Variants in CFDP1 observed in about 807,000 individuals in gnomAD.
The protein encoded by CFDP1 is chromatin remodeling protein CFDP1.
In CFDP1, 31 loss-of-function variants were observed where a neutral mutation model predicts 40.1. The observed-to-expected ratio is 0.77, with a 90% CI of 0.58 to 1.04. The LOEUF (loss-of-function observed/expected upper bound fraction) is 1.04. CFDP1 is among the 50% of genes least tolerant of loss of function. The probability of loss-of-function intolerance (pLI) is 0.00; values close to 1 mark genes in which losing one functional copy is unlikely to be tolerated. For synonymous variants in CFDP1, 167 were observed against 120.0 expected (o/e 1.39, Z -2.56); for missense variants, 423 against 343.4 (o/e 1.23, Z -1.83).
intron 5 of CFDP1, among the ~76,000 whole-genome samples, chr16:75,390,437 T>C (rs1313565216): frequency 1.3e-5 from 2 of 152,234 alleles, no homozygotes; most frequent in Non-Finnish European, 2.9e-5. Context: ...CTACCCTGCC[T>C]TGAGCAAGAA....
chr16:75,328,997 C>G (rs1413622536), intron 5 of CFDP1, among the ~76,000 whole-genome samples: 1 of 152,012 alleles, frequency 6.6e-6, no homozygotes, highest in Admixed American at 6.5e-5. Flanking sequence ...CAGGCATGCG[C>G]CACCATGCCT....
intron 5 of CFDP1, chr16:75,363,029 G>C (rs2078690117): frequency 6.6e-6 from 1 of 152,120 alleles, no homozygotes; most frequent in Non-Finnish European, 1.5e-5. Flanking sequence ...CATGTGAACT[G>C]AGAATACTGA....
chr16:75,427,076 C>A (rs1389525406), intron 1 of CFDP1, among the ~76,000 whole-genome samples: 2 of 150,768 alleles, frequency 1.3e-5, no homozygotes, highest in Non-Finnish European at 3.0e-5. Flanking sequence ...AAACAAATAT[C>A]TGACAAAGGA....
chr16:75,338,909 G>C (rs2078508652), intron 5 of CFDP1, among the ~76,000 whole-genome samples: 1 of 152,042 alleles, frequency 6.6e-6, no homozygotes, highest in African/African-American at 2.4e-5. Flanking sequence ...CTTGATCCTT[G>C]ATATTTTATA....
At chr16:75,404,920 T>A (rs952040698) in intron 4 of CFDP1, among the ~76,000 whole-genome samples, 1 of 152,150 alleles carries the variant, frequency 6.6e-6, no homozygotes. Flanking sequence ...GAACAAGAAA[T>A]ACAGCTATAA....
At chr16:75,390,417 T>A (rs187140532) in intron 5 of CFDP1, among the ~76,000 whole-genome samples, 32 of 152,378 alleles carry the variant, frequency 2.1e-4, no homozygotes, top group Non-Finnish European at 3.5e-4. Flanking sequence ...ACCCTTGATA[T>A]CTGATCACAC....
intron 5 of CFDP1, among the ~76,000 whole-genome samples, chr16:75,343,329 A>G (rs2078539523): frequency 6.6e-6 from 1 of 152,060 alleles, no homozygotes; most frequent in Admixed American, 6.5e-5. Flanking sequence ...CTTGCTGAAT[A>G]GCAGTTCCTC....
chr16:75,406,976 ACGCCAC>A (rs1459054803), intron 4 of CFDP1, among the ~76,000 whole-genome samples: 2 of 152,200 alleles, frequency 1.3e-5, no homozygotes, highest in Non-Finnish European at 2.9e-5. Context: ...AGCTGAGATC[ACGCCAC>A]TGTACTCCAG....
intron 5 of CFDP1, among the ~76,000 whole-genome samples, chr16:75,387,209 C>A (rs1333772637): frequency 6.7e-6 from 1 of 150,266 alleles, no homozygotes; most frequent in South Asian, 2.1e-4. Flanking sequence ...GGCGCAATCT[C>A]GGCTCACTGC....
At chr16:75,332,240 G>A (rs976067482) in intron 5 of CFDP1, among the ~76,000 whole-genome samples, 14 of 152,174 alleles carry the variant, frequency 9.2e-5, no homozygotes, top group African/African-American at 2.4e-4. Flanking sequence ...CGAGGTGGGC[G>A]GATCACCTGA....
intron 5 of CFDP1, among the ~76,000 whole-genome samples, chr16:75,330,170 A>G (rs2078435066): frequency 6.6e-6 from 1 of 152,232 alleles, no homozygotes; most frequent in South Asian, 2.1e-4. Context: ...TCAATGACCC[A>G]CATGACTACT....
intron 5 of CFDP1, among the ~76,000 whole-genome samples, chr16:75,353,996 T>C (rs1003222911): frequency 1.3e-5 from 2 of 152,194 alleles, no homozygotes; most frequent in African/African-American, 4.8e-5. Flanking sequence ...GCCTTTATCA[T>C]GGTGTGAAAG....
chr16:75,358,379 C>A (rs1054508553), intron 5 of CFDP1, among the ~76,000 whole-genome samples: 22 of 152,172 alleles, frequency 1.4e-4, no homozygotes, highest in Non-Finnish European at 2.8e-4. Context: ...AAATAATAAT[C>A]TCTTCAGATA....
chr16:75,315,328 T>A, intron 5 of CFDP1, among the ~76,000 whole-genome samples: 2 of 45,268 alleles, frequency 4.4e-5, no homozygotes, highest in South Asian at 1.4e-3. Context: ...TGAGACCCTA[T>A]CTCAAAAAAA....
At chr16:75,367,304 A>G (rs2078721485) in intron 5 of CFDP1, among the ~76,000 whole-genome samples, 1 of 152,062 alleles carries the variant, frequency 6.6e-6, no homozygotes, top group East Asian at 1.9e-4. Context: ...GAGTATTAGG[A>G]AAAATAGCTA....
At chr16:75,315,726 T>C (rs922055055) in intron 5 of CFDP1, among the ~76,000 whole-genome samples, 3 of 152,194 alleles carry the variant, frequency 2.0e-5, no homozygotes, top group African/African-American at 7.2e-5. Flanking sequence ...TGTGGAGCCA[T>C]TGCATCATTT....
chr16:75,428,518 G>A (rs1020189553), intron 1 of CFDP1, among the ~76,000 whole-genome samples: 5 of 152,024 alleles, frequency 3.3e-5, no homozygotes, highest in Non-Finnish European at 7.4e-5. Flanking sequence ...TCGAGAGGCT[G>A]AGGCAGGGGA....
intron 5 of CFDP1, among the ~76,000 whole-genome samples, chr16:75,366,468 CA>C (rs1368690560): frequency 6.6e-6 from 1 of 152,036 alleles, no homozygotes; most frequent in Non-Finnish European, 1.5e-5. Flanking sequence ...ACCAAAAATG[CA>C]AAAATCAGCC....
intron 2 of CFDP1, among the ~76,000 whole-genome samples, chr16:75,414,287 G>A (rs2079186055): frequency 6.6e-6 from 1 of 152,060 alleles, no homozygotes; most frequent in Admixed American, 6.5e-5. Flanking sequence ...GTTCTTCAGA[G>A]GCAAAGCAAC....
Sources: allele counts gnomAD v4.1 joint callset (sites outside exome capture counted in the v4.1 genomes callset), GRCh38; gene constraint gnomAD v4.1.1; transcripts MANE v1.5; gene names NCBI Gene and HGNC (gene_info 2026-07-23, HGNC 2026-07-21).